CEP70: variants seen among roughly 807,000 people sequenced by gnomAD.
The protein encoded by CEP70 is centrosomal protein 70.
In CEP70, 70 loss-of-function variants were observed where a neutral mutation model predicts 90.9. The ratio of observed to expected loss-of-function variants is 0.77; its 90% confidence interval spans 0.64 to 0.94. CEP70 has a LOEUF of 0.94. CEP70 is among the 40% of genes least tolerant of loss of function. The pLI, the probability that CEP70 is intolerant of heterozygous loss-of-function variation, is 0.00. For synonymous variants in CEP70, 220 were observed against 228.3 expected (o/e 0.96, Z 0.33); for missense variants, 648 against 669.0 (o/e 0.97, Z 0.35).
chr3:138,553,121 C>T (rs944490367), intron 6 of CEP70, among the ~76,000 whole-genome samples: 1 of 151,922 alleles, frequency 6.6e-6, no homozygotes, highest in African/African-American at 2.4e-5. Context: ...TAGTTTAAAT[C>T]AGGAAGAATT....
intron 7 of CEP70, among the ~76,000 whole-genome samples, chr3:138,533,336 T>G (rs1470462773): frequency 6.6e-6 from 1 of 151,280 alleles, no homozygotes; most frequent in Non-Finnish European, 1.5e-5. Flanking sequence ...GAAAAAATAA[T>G]GTAACTTTGT....
At chr3:138,509,273 A>C (rs2035297600) in intron 11 of CEP70, among the ~76,000 whole-genome samples, 1 of 152,156 alleles carries the variant, frequency 6.6e-6, no homozygotes, top group African/African-American at 2.4e-5. Flanking sequence ...GAAGCATGGG[A>C]AGGGCCACTG....
intron 11 of CEP70, among the ~76,000 whole-genome samples, chr3:138,511,490 GA>G (rs941521522): frequency 6.4e-4 from 98 of 152,312 alleles, no homozygotes; most frequent in African/African-American, 2.3e-3. Context: ...TCACTTAGGT[GA>G]AAATGTTCAA....
chr3:138,594,014 G>C (rs552885042), intron 1 of CEP70, 184 bp downstream of exon 1: 1 of 152,440 alleles, frequency 6.6e-6, no homozygotes, highest in East Asian at 1.9e-4. Flanking sequence ...GCTGGGACTG[G>C]AGGCAGTTTT....
At chr3:138,558,149 G>A (rs1403043376) in intron 6 of CEP70, among the ~76,000 whole-genome samples, 1 of 152,200 alleles carries the variant, frequency 6.6e-6, no homozygotes. Context: ...CGGATTGCCT[G>A]AGGTCAGGAG....
intron 6 of CEP70, among the ~76,000 whole-genome samples, chr3:138,538,369 G>A (rs141889931): frequency 2.6e-5 from 4 of 152,216 alleles, no homozygotes; most frequent in African/African-American, 9.6e-5. Context: ...CACAGCTGGG[G>A]TATCCCATTT....
chr3:138,571,645 T>C (rs2041183180), intron 3 of CEP70, among the ~76,000 whole-genome samples: 1 of 152,074 alleles, frequency 6.6e-6, no homozygotes, highest in African/African-American at 2.4e-5. Context: ...GTAATTTCAG[T>C]GAATCAAATA....
chr3:138,536,080 C>A (rs952855338), intron 7 of CEP70, among the ~76,000 whole-genome samples: 10 of 151,860 alleles, frequency 6.6e-5, no homozygotes, highest in African/African-American at 2.4e-4. Context: ...AAAATAGAAA[C>A]ATCTAATTAT....
chr3:138,574,372 G>C (rs1020557581), intron 2 of CEP70, among the ~76,000 whole-genome samples: 3 of 152,234 alleles, frequency 2.0e-5, no homozygotes, highest in Admixed American at 6.5e-5. Context: ...ACTGCAAGGT[G>C]GCAGCCTGGC....
rs1239291568 is a variant in CEP70 at position 138,505,441 on chromosome 3, T to C, written c.1075A>G (p.Ile359Val). 1 of 1,606,092 alleles carries C rather than the reference T, an allele frequency of 6.2e-7. No individual in the cohort carries two copies. Among genetic ancestry groups the C allele is most frequent in the Non-Finnish European group, 8.5e-7 (1 of 1,177,334 alleles). ...FQVLCSINSI[I>V]HNPRAPVIIY... ...ATTACTGGAGCTCTTGGATTGTGGATAATTGAATTGATGCTACACAGCACC... is the reference window on the plus strand; with the variant it reads ...ATTACTGGAGCTCTTGGATTGTGGACAATTGAATTGATGCTACACAGCACC... Residue 359 changes from isoleucine (I) to valine (V), a missense_variant, in exon 13 of 18, where the codon ATC becomes GTC. Coordinates refer to ENST00000264982, the MANE Select transcript of CEP70 (RefSeq NM_024491.4).
chr3:138,549,982 C>G (rs1177065109), intron 6 of CEP70, among the ~76,000 whole-genome samples: 1 of 152,128 alleles, frequency 6.6e-6, no homozygotes, highest in Non-Finnish European at 1.5e-5. Flanking sequence ...TACAGCTCAG[C>G]TCTCAGGAAG....
intron 17 of CEP70, chr3:138,496,147 A>C: frequency 1.0e-6 from 1 of 985,430 alleles, no homozygotes; most frequent in Non-Finnish European, 1.2e-6. Flanking sequence ...GGTTCTCTAG[A>C]TACCCACACT....
At chr3:138,592,343 A>G (rs1257175060) in intron 1 of CEP70, among the ~76,000 whole-genome samples, 2 of 152,192 alleles carry the variant, frequency 1.3e-5, no homozygotes, top group African/African-American at 2.4e-5. Flanking sequence ...CCTCATTTGC[A>G]CCTGTGACCA....
intron 4 of CEP70, 43 bp from the exon 5 acceptor site, chr3:138,571,200 G>A: frequency 1.3e-6 from 2 of 1,548,738 alleles, no homozygotes; most frequent in Admixed American, 2.0e-5. Context: ...AAAATAAAAG[G>A]CAAAAAAAAT....
chr3:138,507,329 G>C (rs183639580), intron 12 of CEP70, among the ~76,000 whole-genome samples: 235 of 152,114 alleles, frequency 1.5e-3, no homozygotes, highest in African/African-American at 5.3e-3. Context: ...GATTCAAAAA[G>C]GTTAAGGTGT....
chr3:138,545,779 G>C (rs1211392654), intron 6 of CEP70, among the ~76,000 whole-genome samples: 3 of 152,130 alleles, frequency 2.0e-5, no homozygotes, highest in African/African-American at 7.2e-5. Flanking sequence ...TTATGCGGTT[G>C]AGATAAGGAC....
chr3:138,530,506 A>C (rs2037714358), intron 8 of CEP70: 8 of 789,380 alleles, frequency 1.0e-5, no homozygotes, highest in Non-Finnish European at 1.2e-5. Flanking sequence ...CTGATGATAA[A>C]AACAACAACA....
intron 11 of CEP70, among the ~76,000 whole-genome samples, chr3:138,524,032 G>A (rs1576637375): frequency 9.7e-6 from 1 of 103,094 alleles, no homozygotes; most frequent in Admixed American, 8.1e-5. Flanking sequence ...CAGATACATA[G>A]AACAATGGAA....
rs538617017 is a variant in CEP70 at position 138,500,676 on chromosome 3, C to T, written c.1368+59G>A. 39 of 1,499,762 alleles carry T rather than the reference C, an allele frequency of 2.6e-5. No individual in the cohort carries two copies. The African/African-American group carries it at 5.2e-4, about 20-fold the overall frequency. The allele number at this position is 1,499,762 out of a possible 1,614,324, so 92.9% of individuals were successfully genotyped here. A position where few individuals can be genotyped will look rare whatever the true frequency, so the allele number is the denominator to read the frequency against. On this transcript the variant is annotated intron_variant, in intron 14 of 17. Transcript: ENST00000264982. ...CTAGTAGAACAAATATCAATATCCA[C>T]AATTTATCAGTTTTTGAGATAAGAA...
Sources: gnomAD v4.1 joint callset for allele counts (sites outside exome capture counted in the v4.1 genomes callset) on GRCh38, gnomAD v4.1.1 for gene constraint, MANE v1.5 for transcripts, NCBI Gene and HGNC (gene_info 2026-07-23, HGNC 2026-07-21) for gene names.